The following SLC2A13 variants were observed in gnomAD, a reference collection of about 807,000 sequenced individuals.
SLC2A13 encodes solute carrier family 2 member 13, also known as proton myo-inositol cotransporter.
SLC2A13 carries 32 observed loss-of-function variants against 64.4 expected under a neutral mutation model. That is an observed-to-expected ratio of 0.50 (90% CI 0.37 to 0.67). The LOEUF (loss-of-function observed/expected upper bound fraction) is 0.67. Ranked by LOEUF, SLC2A13 falls within the 30% of genes least tolerant of loss-of-function variation. SLC2A13 has a pLI of 0.00. For synonymous variants in SLC2A13, 338 were observed against 327.1 expected, an observed-to-expected ratio of 1.03 and a Z score of -0.36; for missense variants, 743 against 829.2, an observed-to-expected ratio of 0.90 and a Z score of 1.28.
In SLC2A13 at chr12:39,958,291, C is replaced by T. The variant is rs192324700; in HGVS notation, c.926-6926G>A. The stretch of plus-strand genomic sequence containing the variant: ...TTCTACTGCCTGTCTGGCTGGCATC[C>T]ATCTCCCAGTGGGACAGTGCACGGC... On this transcript the variant is annotated intron_variant, in intron 3 of 9. Coordinates refer to ENST00000280871, the MANE Select transcript of SLC2A13 (RefSeq NM_052885.4). 3.3e-5 allele frequency among the ~76,000 whole-genome samples: 5 copies of T among 152,304 alleles called. No individual in the cohort carries two copies. The East Asian group carries it at 9.7e-4, about 29-fold the overall frequency.
chr12:39,831,661 G>C (rs1188304627), intron 6 of SLC2A13, among the ~76,000 whole-genome samples: 1 of 152,042 alleles, frequency 6.6e-6, no homozygotes, highest in Non-Finnish European at 1.5e-5. Flanking sequence ...TGAATCATGG[G>C]GGAAAGATCC....
chr12:39,845,639 T>C (rs536445671), intron 6 of SLC2A13, among the ~76,000 whole-genome samples: 1 of 152,238 alleles, frequency 6.6e-6, no homozygotes, highest in Admixed American at 6.5e-5. Context: ...GGAAGTTGTG[T>C]TGTGTGACAC....
intron 4 of SLC2A13, among the ~76,000 whole-genome samples, chr12:39,946,307 G>A (rs866149334): frequency 6.6e-6 from 1 of 152,162 alleles, no homozygotes; most frequent in African/African-American, 2.4e-5. Context: ...TAATTTTGGT[G>A]GTTTAACGCT....
rs1249975453 is a variant in SLC2A13 at position 39,796,424 on chromosome 12, A to T, written c.1446-31566T>A. On this transcript the variant is annotated intron_variant, in intron 7 of 9. Coordinates refer to ENST00000280871, the MANE Select transcript of SLC2A13 (RefSeq NM_052885.4). ...GGCCAACACAGTGGGACCCATCTTA[A>T]AAAAAAAAAAAAAAAAAAACCTAAA... is the stretch of plus-strand genomic sequence containing the variant. 0.011 allele frequency among the ~76,000 whole-genome samples: 16 copies of T among 1,498 alleles called. No individual in the cohort carries two copies. In the South Asian group the frequency reaches 0.29, roughly 27 times the overall value. The allele number at this position is 1,498 out of a possible 152,430, so 1.0% of individuals were successfully genotyped here.
At chr12:39,996,423 G>T (rs1482535917) in intron 3 of SLC2A13, among the ~76,000 whole-genome samples, 1 of 152,238 alleles carries the variant, frequency 6.6e-6, no homozygotes, top group African/African-American at 2.4e-5. Flanking sequence ...ATTTTCTGAG[G>T]AGAAATCCAA....
chr12:39,838,483 A>G (rs1244548745), intron 6 of SLC2A13, among the ~76,000 whole-genome samples: 1 of 139,606 alleles, frequency 7.2e-6, no homozygotes, highest in Non-Finnish European at 1.5e-5. Flanking sequence ...CTAAAACTTA[A>G]AGTATAATAA....
At chr12:39,788,590 A>G (rs1941271732) in intron 7 of SLC2A13, 1 of 152,184 alleles carries the variant, frequency 6.6e-6, no homozygotes, top group African/African-American at 2.4e-5. Flanking sequence ...GACTGCAGGA[A>G]ACTGAAACTG....
At chr12:40,034,043 C>T (rs1241619420) in intron 2 of SLC2A13, among the ~76,000 whole-genome samples, 2 of 152,144 alleles carry the variant, frequency 1.3e-5, no homozygotes, top group African/African-American at 4.8e-5. Context: ...TTGCCAATGC[C>T]TTACACTGGA....
At chr12:40,023,880 A>C (rs1315168895) in intron 3 of SLC2A13, among the ~76,000 whole-genome samples, 1 of 152,230 alleles carries the variant, frequency 6.6e-6, no homozygotes, top group Non-Finnish European at 1.5e-5. Flanking sequence ...TTTAGGAAAA[A>C]AACGGTTTAC....
chr12:39,985,371 C>T (rs760594782), intron 3 of SLC2A13, among the ~76,000 whole-genome samples: 1 of 152,070 alleles, frequency 6.6e-6, no homozygotes, highest in Non-Finnish European at 1.5e-5. Context: ...CAGATTACCT[C>T]TGCTTATTTA....
At chr12:40,074,294 T>C (rs1051050179) in intron 1 of SLC2A13, among the ~76,000 whole-genome samples, 6 of 151,608 alleles carry the variant, frequency 4.0e-5, no homozygotes, top group Admixed American at 2.0e-4. Flanking sequence ...GCCTCCCAAG[T>C]AGATGGAACT....
intron 4 of SLC2A13, among the ~76,000 whole-genome samples, chr12:39,946,864 A>G (rs1023919001): frequency 1.3e-5 from 2 of 152,128 alleles, no homozygotes. Context: ...GTCCTCCCTT[A>G]TGGCCAGGAG....
At chr12:40,070,966 T>C in intron 1 of SLC2A13, among the ~76,000 whole-genome samples, 1 of 152,020 alleles carries the variant, frequency 6.6e-6, no homozygotes. Flanking sequence ...ACCCAACCGG[T>C]TATATGCAGG....
chr12:39,892,370 TTG>T (rs1944636537), intron 4 of SLC2A13, among the ~76,000 whole-genome samples: 2 of 152,212 alleles, frequency 1.3e-5, no homozygotes, highest in Non-Finnish European at 2.9e-5. Flanking sequence ...AGGGAGATTC[TTG>T]GAACTGTCTG....
chr12:39,817,845 C>A, intron 7 of SLC2A13, among the ~76,000 whole-genome samples: 1 of 152,160 alleles, frequency 6.6e-6, no homozygotes, highest in East Asian at 1.9e-4. Context: ...CCTTGACCAG[C>A]AAAGAGAGAT....
At chr12:39,934,439 C>T (rs753963953) in intron 4 of SLC2A13, among the ~76,000 whole-genome samples, 6 of 152,146 alleles carry the variant, frequency 3.9e-5, no homozygotes, top group Non-Finnish European at 7.4e-5. Flanking sequence ...ATGCAGGGAA[C>T]GGGAGAGGAC....
intron 4 of SLC2A13, among the ~76,000 whole-genome samples, chr12:39,894,357 A>G (rs1458610029): frequency 1.3e-5 from 2 of 152,238 alleles, no homozygotes; most frequent in Non-Finnish European, 2.9e-5. Flanking sequence ...TATGATGATT[A>G]AAAGTAGAAT....
chr12:40,003,672 T>G (rs929019331), intron 3 of SLC2A13, among the ~76,000 whole-genome samples: 2 of 151,716 alleles, frequency 1.3e-5, no homozygotes, highest in Non-Finnish European at 2.9e-5. Flanking sequence ...AGAGGTATCA[T>G]CGTGGGTTTT....
At chr12:39,990,210 A>G (rs1947110348) in intron 3 of SLC2A13, among the ~76,000 whole-genome samples, 1 of 152,038 alleles carries the variant, frequency 6.6e-6, no homozygotes, top group African/African-American at 2.4e-5. Flanking sequence ...TTACTTCTTT[A>G]TTTCTCATCT....
Sources: gnomAD v4.1 joint callset for allele counts (sites outside exome capture counted in the v4.1 genomes callset) on GRCh38, gnomAD v4.1.1 for gene constraint, MANE v1.5 for transcripts, NCBI Gene and HGNC (gene_info 2026-07-23, HGNC 2026-07-21) for gene names.